Variants in GRM8 observed in about 807,000 individuals in gnomAD.
GRM8 encodes metabotropic glutamate receptor 8.
GRM8 carries 47 observed loss-of-function variants against 87.2 expected under a neutral mutation model. That is an observed-to-expected ratio of 0.54 (90% CI 0.43 to 0.69). The LOEUF is 0.69. Ranked by LOEUF, GRM8 falls within the 30% of genes least tolerant of loss-of-function variation. GRM8 has a pLI of 0.00. For synonymous variants in GRM8, 396 were observed against 404.5 expected, an observed-to-expected ratio of 0.98 and a Z score of 0.25; for missense variants, 1,019 against 1,139.2, an observed-to-expected ratio of 0.89 and a Z score of 1.52.
chr7:126,876,591 CTG>C (rs1368213788), intron 6 of GRM8, among the ~76,000 whole-genome samples: 1 of 152,154 alleles, frequency 6.6e-6, no homozygotes, highest in African/African-American at 2.4e-5. Flanking sequence ...TGATACCTAA[CTG>C]TGCTGTGCAA....
At chr7:127,050,008 CTGAAAGATA>C (rs1819314129) in intron 3 of GRM8, among the ~76,000 whole-genome samples, 1 of 152,106 alleles carries the variant, frequency 6.6e-6, no homozygotes, top group Non-Finnish European at 1.5e-5. Context: ...TCAGGTAGGG[CTGAAAGATA>C]TGGATTTAAC....
At chr7:126,646,752 A>G (rs1013445640) in intron 7 of GRM8, among the ~76,000 whole-genome samples, 9 of 152,222 alleles carry the variant, frequency 5.9e-5, no homozygotes, top group African/African-American at 2.2e-4. Flanking sequence ...TAGTGATTAA[A>G]TGATATAATC....
chr7:126,917,068 T>C (rs1449634404), intron 3 of GRM8, among the ~76,000 whole-genome samples: 1 of 152,204 alleles, frequency 6.6e-6, no homozygotes, highest in Non-Finnish European at 1.5e-5. Context: ...AACATTTTCT[T>C]GGGCTCCAGG....
At chr7:127,036,169 T>A (rs1817822746) in intron 3 of GRM8, among the ~76,000 whole-genome samples, 1 of 152,182 alleles carries the variant, frequency 6.6e-6, no homozygotes. Context: ...TTTCACTCAA[T>A]TGGTATAAGT....
chr7:126,881,989 A>C (rs2021360), intron 6 of GRM8, among the ~76,000 whole-genome samples: 152,174 of 152,174 alleles, frequency 1, 76,087 homozygotes, highest in Non-Finnish European at 1. Context: ...CTGACCTCTA[A>C]ACTCCATCCC....
chr7:127,170,118 A>C (rs1044621883), intron 2 of GRM8, among the ~76,000 whole-genome samples: 4 of 152,224 alleles, frequency 2.6e-5, no homozygotes, highest in African/African-American at 9.6e-5. Flanking sequence ...TGGGCAAAAT[A>C]TGTAGAAAAC....
chr7:126,985,326 A>G lies in GRM8; in HGVS notation c.728-80643T>C, dbSNP rs148514401. On this transcript the variant is annotated intron_variant, in intron 3 of 10. Coordinates refer to ENST00000339582, the MANE Select transcript of GRM8 (RefSeq NM_000845.3). ...ATTAAAATCAGCTCAACCTCAAACT[A>G]AAGTATCTGGTTATCATTAATAACT... is the stretch of plus-strand genomic sequence containing the variant. Among the ~76,000 whole-genome samples, 264 of 152,318 alleles carry G rather than the reference A, an allele frequency of 1.7e-3. 2 individuals carry two copies. The highest frequency in any genetic ancestry group is 6.2e-3 in the African/African-American group (258 of 41,576).
At chr7:126,688,000 G>A (rs542047872) in intron 7 of GRM8, among the ~76,000 whole-genome samples, 1 of 151,612 alleles carries the variant, frequency 6.6e-6, no homozygotes, top group Non-Finnish European at 1.5e-5. Context: ...TGATTTGTAG[G>A]CTTTTTAAAA....
At chr7:126,525,848 G>C (rs1175999942) in intron 9 of GRM8, among the ~76,000 whole-genome samples, 2 of 151,784 alleles carry the variant, frequency 1.3e-5, no homozygotes, top group African/African-American at 2.4e-5. Context: ...ATGTGTCTTT[G>C]TGCCAGCCAT....
chr7:126,455,557 T>C (rs1803133631), intron 9 of GRM8, among the ~76,000 whole-genome samples: 1 of 151,808 alleles, frequency 6.6e-6, no homozygotes, highest in South Asian at 2.1e-4. Flanking sequence ...ATGTGGATCC[T>C]AGAACAGCTC....
intron 6 of GRM8, among the ~76,000 whole-genome samples, chr7:126,806,822 G>A (rs908598322): frequency 3.9e-5 from 6 of 152,144 alleles, no homozygotes; most frequent in Non-Finnish European, 7.4e-5. Context: ...CGGAGCCCGC[G>A]CCTACCCGGA....
At chr7:126,792,219 G>A (rs1026626603) in intron 6 of GRM8, among the ~76,000 whole-genome samples, 5 of 152,158 alleles carry the variant, frequency 3.3e-5, no homozygotes, top group African/African-American at 9.7e-5. Context: ...TTGTATTCTT[G>A]ATGGATATTT....
At chr7:127,168,590 A>G (rs144732932) in intron 2 of GRM8, among the ~76,000 whole-genome samples, 32,329 of 152,160 alleles carry the variant, frequency 0.21, 3,683 homozygotes, top group Middle Eastern at 0.31. Context: ...TCACAATAGC[A>G]AAGACTTGGA....
intron 7 of GRM8, among the ~76,000 whole-genome samples, chr7:126,757,915 A>G (rs954990311): frequency 7.2e-5 from 11 of 152,170 alleles, no homozygotes; most frequent in African/African-American, 2.7e-4. Context: ...TTTTACTCCC[A>G]TATCTTACCC....
intron 6 of GRM8, among the ~76,000 whole-genome samples, chr7:126,864,551 G>A (rs544784983): frequency 1.3e-5 from 2 of 151,954 alleles, no homozygotes; most frequent in East Asian, 1.9e-4. Context: ...AACTGCCTAC[G>A]AACCTTTAAG....
intron 7 of GRM8, among the ~76,000 whole-genome samples, chr7:126,740,661 ACT>A (rs1199862948): frequency 1.3e-5 from 2 of 151,982 alleles, no homozygotes; most frequent in Non-Finnish European, 2.9e-5. Context: ...TGGAAAGAAA[ACT>A]CTATCATTTC....
At chr7:126,978,205 G>C (rs907142837) in intron 3 of GRM8, among the ~76,000 whole-genome samples, 7 of 151,968 alleles carry the variant, frequency 4.6e-5, no homozygotes, top group Non-Finnish European at 7.4e-5. Context: ...AAGCGGAGGG[G>C]AGGAAAAGAC....
chr7:127,053,785 C>A, intron 3 of GRM8, among the ~76,000 whole-genome samples: 1 of 69,524 alleles, frequency 1.4e-5, no homozygotes, highest in African/African-American at 8.0e-5. Context: ...GAGACTCTGT[C>A]TCAAAAAAAA....
chr7:126,573,590 A>ATT (rs3216283), intron 8 of GRM8, among the ~76,000 whole-genome samples: 2 of 148,342 alleles, frequency 1.3e-5, no homozygotes, highest in African/African-American at 4.9e-5. Flanking sequence ...TTATTTTTTA[A>ATT]TTTTTTTTTT....
Sources: allele counts gnomAD v4.1 joint callset (sites outside exome capture counted in the v4.1 genomes callset), GRCh38; gene constraint gnomAD v4.1.1; transcripts MANE v1.5; gene names NCBI Gene and HGNC (gene_info 2026-07-23, HGNC 2026-07-21).